The following ZNF77 variants were observed in gnomAD, a reference collection of about 807,000 sequenced individuals.
ZNF77 encodes zinc finger protein 77, also known as ZNFpT1.
A neutral mutation model predicts 13.5 loss-of-function variants in ZNF77; 15 were observed. That is an observed-to-expected ratio of 1.11 (90% CI 0.74 to 1.71). ZNF77 has a LOEUF of 1.71. ZNF77 is among the 40% of genes most tolerant of loss of function. The pLI, the probability that ZNF77 is intolerant of heterozygous loss-of-function variation, is 0.00. For missense variants in ZNF77, 717 were observed against 676.4 expected (o/e 1.06, Z -0.67); for synonymous variants, 282 against 250.0 (o/e 1.13, Z -1.21).
chr19:2,933,274 A>T lies in ZNF77; in HGVS notation c.*215T>A, dbSNP rs2088359301. The T allele has an allele frequency of 2.3e-6, 1 of 444,354 alleles. No homozygotes were observed. The allele number at this position is 444,354 out of a possible 1,614,324, so 27.5% of individuals were successfully genotyped here. ...TGTTTATATCACAAACATACACTAG[A>T]AATTAATACAAAAGGAATCACTATT... On this transcript the variant is annotated 3_prime_UTR_variant, in exon 4 of 4. Coordinates refer to ENST00000314531, the MANE Select transcript of ZNF77 (RefSeq NM_021217.3).
Position 2,934,109 on chromosome 19 carries a change from G to T in ZNF77, c.1018C>A (p.Arg340=). The change falls in exon 4 of 4, where the codon CGA becomes AGA. Residue 340 remains arginine, a synonymous_variant. Transcript: ENST00000314531. Reference sequence around the variant, plus strand: ...CCACTGTGCGTTCTCCCATGTTCTCGAAGAGACGAGTAACAAGTGAACGCT... The same window carrying T: ...CCACTGTGCGTTCTCCCATGTTCTCTAAGAGACGAGTAACAAGTGAACGCT... ...GKAFTCYSSL[R]EHGRTHSGEK... 6.2e-7 allele frequency: 1 copy of T among 1,613,688 alleles called. No homozygotes were observed. Among genetic ancestry groups the T allele is most frequent in the Non-Finnish European group, 8.5e-7 (1 of 1,179,950 alleles).
chr19:2,933,551 C>T lies in ZNF77; in HGVS notation c.1576G>A (p.Gly526Arg), dbSNP rs2088362379. ...GERPYECKQC[G>R]KTFRYLASLQ... ...GATGCGAGATACCTGAAGGTTTTCC[C>T]ACACTGCTTGCATTCATACGGTCTC... The change falls in exon 4 of 4, where the codon GGG becomes AGG. Residue 526 changes from glycine (G) to arginine (R), a missense_variant. By Grantham distance (125) the Gly-to-Arg change is moderately radical. Coordinates refer to ENST00000314531, the MANE Select transcript of ZNF77 (RefSeq NM_021217.3). The T allele has an allele frequency of 6.2e-7, 1 of 1,609,580 alleles. No homozygotes were observed. Among genetic ancestry groups the T allele is most frequent in the East Asian group, 2.2e-5 (1 of 44,764 alleles).
chr19:2,933,428 C>A lies in ZNF77; in HGVS notation c.*61G>T, dbSNP rs897869813. 9 of 1,495,900 alleles carry A rather than the reference C, an allele frequency of 6.0e-6. No homozygotes were observed. Among genetic ancestry groups the A allele is most frequent in the Non-Finnish European group, 8.0e-6 (9 of 1,124,054 alleles). The allele number at this position is 1,495,900 out of a possible 1,614,324, so 92.7% of individuals were successfully genotyped here. A position where few individuals can be genotyped will look rare whatever the true frequency, so the allele number is the denominator to read the frequency against. The stretch of plus-strand genomic sequence containing the variant: ...TACATGCTCTACATAAATAACGTTT[C>A]TCACATTTACAACAAGGTTTTACGG... On this transcript the variant is annotated 3_prime_UTR_variant, in exon 4 of 4. Transcript: ENST00000314531.
chr19:2,943,692 A>ATT (rs10633206), intron 1 of ZNF77, among the ~76,000 whole-genome samples: 24,056 of 76,754 alleles, frequency 0.31, 2,320 homozygotes, highest in Middle Eastern at 0.42. Flanking sequence ...TCTAGCCAGG[A>ATT]TTTTTTTTTT....
chr19:2,936,738 A>G (rs776483871), intron 2 of ZNF77, 34 bp from the exon 3 acceptor site: 1 of 1,575,150 alleles, frequency 6.3e-7, no homozygotes, highest in African/African-American at 1.4e-5. Context: ...TCTTAGGAGA[A>G]ATATGTTGGG....
Position 2,944,894 on chromosome 19 carries a change from G to T in ZNF77, c.-54C>A. 2.0e-6 allele frequency: 3 copies of T among 1,515,694 alleles called. No individual in the cohort carries two copies. In the South Asian group the frequency reaches 3.7e-5, roughly 19 times the overall value. The allele number at this position is 1,515,694 out of a possible 1,614,324, so 93.9% of individuals were successfully genotyped here. A position where few individuals can be genotyped will look rare whatever the true frequency, so the allele number is the denominator to read the frequency against. ...TTAGCGCCCCGCGGTCCAGCGACCG[G>T]CGCAGGTGAGCACGACAGGACACCT... On this transcript the variant is annotated 5_prime_UTR_variant, in exon 1 of 4. Transcript: ENST00000314531.
chr19:2,936,605 C>G lies in ZNF77; in HGVS notation c.230G>C (p.Ser77Thr), dbSNP rs1187765796. Residue 77 changes from serine (S) to threonine (T), a missense_variant, in exon 3 of 4, where the codon AGT becomes ACT. By Grantham distance (58) the Ser-to-Thr change is moderately conservative (BLOSUM62 1). Transcript: ENST00000314531. ...TTCTCCAAAAATAGACCAGGAATCA[C>G]TTCCTGTGAACTTTACAATCTCTTC... ...NDEEIVKFTGSDSWSIFGENW... is the reference protein window; with the variant it reads ...NDEEIVKFTGTDSWSIFGENW... 3 of 1,611,292 alleles carry G rather than the reference C, an allele frequency of 1.9e-6. No homozygotes were observed. Among genetic ancestry groups the G allele is most frequent in the Non-Finnish European group, 2.5e-6 (3 of 1,179,270 alleles).
rs558443697 is a variant in ZNF77, at chr19:2,937,507, A to G, written c.131-803T>C. Among the ~76,000 whole-genome samples, 74 of 152,048 alleles carry G rather than the reference A, an allele frequency of 4.9e-4. No individual in the cohort carries two copies. The Middle Eastern group carries it at 0.027, about 56-fold the overall frequency. On this transcript the variant is annotated intron_variant, in intron 2 of 3. Coordinates refer to ENST00000314531, the MANE Select transcript of ZNF77 (RefSeq NM_021217.3). ...AACTGTGTCTCAAAAAAAAAAAAAG[A>G]AGAGATAAACGTGGCAACCCATTTA...
At chr19:2,936,908 C>T (rs2088403222) in intron 2 of ZNF77, among the ~76,000 whole-genome samples, 1 of 152,138 alleles carries the variant, frequency 6.6e-6, no homozygotes, top group African/African-American at 2.4e-5. Context: ...GGTGCAGTGG[C>T]TCATGCCTGT....
rs764532964 is a variant in ZNF77, at chr19:2,944,897, C to A, written c.-57G>T. On this transcript the variant is annotated 5_prime_UTR_variant, in exon 1 of 4. Transcript: ENST00000314531. Reference sequence around the variant, plus strand: ...GCGCCCCGCGGTCCAGCGACCGGCGCAGGTGAGCACGACAGGACACCTGAG... The same window carrying A: ...GCGCCCCGCGGTCCAGCGACCGGCGAAGGTGAGCACGACAGGACACCTGAG... 2.7e-5 allele frequency: 41 copies of A among 1,514,134 alleles called. No individual in the cohort carries two copies. Among genetic ancestry groups the A allele is most frequent in the Non-Finnish European group, 3.5e-5 (40 of 1,137,322 alleles). The allele number at this position is 1,514,134 out of a possible 1,614,324, so 93.8% of individuals were successfully genotyped here. A position where few individuals can be genotyped will look rare whatever the true frequency, so the allele number is the denominator to read the frequency against.
Position 2,939,380 on chromosome 19 carries a change from C to G in ZNF77, c.31G>C (p.Val11Leu), listed in dbSNP as rs1383177128. Residue 11 changes from valine (V) to leucine (L), a missense_variant, in exon 2 of 4, where the codon GTG (valine) becomes CTG (leucine). Transcript: ENST00000314531. MDCVIFEEVA[V>L]NFTPEEWALL... ...GCCCACTCTTCTGGGGTGAAGTTCA[C>G]AGCCACTTCCTCAAAGATCACGCAG... 1 of 1,614,068 alleles carries G rather than the reference C, an allele frequency of 6.2e-7. No homozygotes were observed. Among genetic ancestry groups the G allele is most frequent in the Non-Finnish European group, 8.5e-7 (1 of 1,180,006 alleles).
rs2088362572 is a variant in ZNF77 at position 2,933,567 on chromosome 19, A to G, written c.1560T>C (p.Tyr520=). ...HVRTHTGERP[Y]ECKQCGKTFR... is the part of the protein sequence containing the mutation. ...AGGTTTTCCCACACTGCTTGCATTCATACGGTCTCTCTCCAGTGTGCGTTC... is the reference window on the plus strand; with the variant it reads ...AGGTTTTCCCACACTGCTTGCATTCGTACGGTCTCTCTCCAGTGTGCGTTC... Residue 520 remains tyrosine, a synonymous_variant, in exon 4 of 4, where the codon TAT becomes TAC. Coordinates refer to ENST00000314531, the MANE Select transcript of ZNF77 (RefSeq NM_021217.3). The G allele has an allele frequency of 6.2e-7, 1 of 1,613,098 alleles. No homozygotes were observed.
chr19:2,933,602 C>A lies in ZNF77; in HGVS notation c.1525G>T (p.Val509Leu). ...TCTCCAGTGTGCGTTCTCACGTGCACACGAAGGGACGAGGAACAACTGTAG... is the reference window on the plus strand; with the variant it reads ...TCTCCAGTGTGCGTTCTCACGTGCAAACGAAGGGACGAGGAACAACTGTAG... ...KAYSCSSSLR[V>L]HVRTHTGERP... The change falls in exon 4 of 4, where the codon GTG becomes TTG. Residue 509 changes from valine (V) to leucine (L), a missense_variant. Physicochemically the swap from Val to Leu is conservative, Grantham distance 32. Transcript: ENST00000314531. 6.2e-7 allele frequency: 1 copy of A among 1,613,980 alleles called. No homozygotes were observed. Among genetic ancestry groups the A allele is most frequent in the South Asian group, 1.1e-5 (1 of 91,070 alleles).
At chr19:2,942,989 C>T (rs1445310246) in intron 1 of ZNF77, among the ~76,000 whole-genome samples, 1 of 152,096 alleles carries the variant, frequency 6.6e-6, no homozygotes, top group Non-Finnish European at 1.5e-5. Flanking sequence ...ACCATGTTGG[C>T]CAGGCTGGTC....
intron 1 of ZNF77, among the ~76,000 whole-genome samples, chr19:2,941,896 C>T (rs897425534): frequency 3.3e-5 from 5 of 151,960 alleles, no homozygotes; most frequent in Admixed American, 6.6e-5. Flanking sequence ...GCTGTGTGTG[C>T]GCCTTTCCCC....
At chr19:2,941,153 T>G (rs2088445147) in intron 1 of ZNF77, among the ~76,000 whole-genome samples, 1 of 121,960 alleles carries the variant, frequency 8.2e-6, no homozygotes, top group African/African-American at 3.2e-5. Context: ...CCAGCGTGGG[T>G]GACAGAGAGA....
At chr19:2,936,119 G>A (rs1230338262) in intron 3 of ZNF77, among the ~76,000 whole-genome samples, 1 of 151,572 alleles carries the variant, frequency 6.6e-6, no homozygotes, top group East Asian at 1.9e-4. Flanking sequence ...GAAAAAAAAT[G>A]TCTCTGTGGG....
chr19:2,934,833 C>T lies in ZNF77; in HGVS notation c.312-18G>A. 1.9e-6 allele frequency: 3 copies of T among 1,589,420 alleles called. No individual in the cohort carries two copies. Among genetic ancestry groups the T allele is most frequent in the Non-Finnish European group, 2.6e-6 (3 of 1,164,606 alleles). ...GCTGACTTCTGTTCAAAATGGGAAGCAAGCTACTAGTCATGAATGACTATA... is the reference window on the plus strand; with the variant it reads ...GCTGACTTCTGTTCAAAATGGGAAGTAAGCTACTAGTCATGAATGACTATA... On this transcript the variant is annotated intron_variant, in intron 3 of 3. Coordinates refer to ENST00000314531, the MANE Select transcript of ZNF77 (RefSeq NM_021217.3).
intron 2 of ZNF77, among the ~76,000 whole-genome samples, chr19:2,937,566 C>G (rs2088408540): frequency 6.6e-6 from 1 of 151,806 alleles, no homozygotes; most frequent in African/African-American, 2.4e-5. Flanking sequence ...CAGATGGAGA[C>G]TGATGTTTAG....
Sources: allele counts gnomAD v4.1 joint callset (sites outside exome capture counted in the v4.1 genomes callset), GRCh38; gene constraint gnomAD v4.1.1; transcripts MANE v1.5; gene names NCBI Gene and HGNC (gene_info 2026-07-23, HGNC 2026-07-21).